CCDC157: variants seen among roughly 807,000 people sequenced by gnomAD.
CCDC157 encodes coiled-coil domain containing 157, also known as coiled-coil domain-containing protein 157.
CCDC157 carries 60 observed loss-of-function variants against 70.9 expected under a neutral mutation model. The ratio of observed to expected loss-of-function variants is 0.85; its 90% CI spans 0.69 to 1.05. The LOEUF is 1.05. Ranked by LOEUF, CCDC157 falls within the 50% of genes least tolerant of loss-of-function variation. CCDC157 has a pLI of 0.00. For missense variants in CCDC157, 943 were observed against 984.2 expected, an observed-to-expected ratio of 0.96 and a Z score of 0.56; for synonymous variants, 373 against 422.4, an observed-to-expected ratio of 0.88 and a Z score of 1.43.
In CCDC157 at chr22:30,375,889, A is replaced by G. The variant is rs570802876; in HGVS notation, c.1857+226A>G. The G allele has an allele frequency of 2.1e-5, 12 of 570,292 alleles. No homozygotes were observed. In the Admixed American group the frequency reaches 2.8e-4, roughly 13 times the overall value. 35.3% of individuals were successfully genotyped at this position (570,292 alleles called of 1,614,324 possible). A position where few individuals can be genotyped will look rare whatever the true frequency, so the allele number is the denominator to read the frequency against. ...CTATAGCTGTCATTCCTTTAAGTGC[A>G]GCAAGAAGCCTCGTCAGGCCGGGTG... On this transcript the variant is annotated intron_variant, in intron 10 of 11. Coordinates refer to ENST00000338306, the MANE Select transcript of CCDC157 (RefSeq NM_001017437.5).
chr22:30,371,445 G>T, intron 5 of CCDC157: 1 of 598,792 alleles, frequency 1.7e-6, no homozygotes, highest in Non-Finnish European at 3.0e-6. Context: ...CCAGAGAGGT[G>T]TAGACACATG....
At position 30,370,954 on chromosome 22, in the gene CCDC157, T is replaced by A; in HGVS notation, c.1045+4T>A. The A allele has an allele frequency of 2.5e-6, 4 of 1,604,172 alleles. No individual in the cohort carries two copies. The highest frequency in any genetic ancestry group is 3.4e-6 in the Non-Finnish European group (4 of 1,176,114). On this transcript the variant is annotated splice_donor_region_variant and intron_variant, in intron 5 of 11. Coordinates refer to ENST00000338306, the MANE Select transcript of CCDC157 (RefSeq NM_001017437.5). ...GACAAACAGCAGCTGCTCACAGGTCTGTGCCCCAGAGGCCAGACGCCTGGT... is the reference window on the plus strand; with the variant it reads ...GACAAACAGCAGCTGCTCACAGGTCAGTGCCCCAGAGGCCAGACGCCTGGT...
Position 30,369,740 on chromosome 22 carries a change from C to T in CCDC157, c.420+137C>T, listed in dbSNP as rs1601732698. The T allele has an allele frequency of 1.8e-5, 12 of 667,062 alleles. No homozygotes were observed. In the South Asian group the frequency reaches 3.1e-4, roughly 17 times the overall value. The allele number at this position is 667,062 out of a possible 1,614,324, so 41.3% of individuals were successfully genotyped here. A position where few individuals can be genotyped will look rare whatever the true frequency, so the allele number is the denominator to read the frequency against. On this transcript the variant is annotated intron_variant, in intron 4 of 11. Coordinates refer to ENST00000338306, the MANE Select transcript of CCDC157 (RefSeq NM_001017437.5). The stretch of plus-strand genomic sequence containing the variant: ...CACAGCCTTTACTGGCTCCCACCGC[C>T]CTCCCAATCAAGCCCCACACAGTGT...
Position 30,373,600 on chromosome 22 carries a change from C to T in CCDC157, c.1339C>T (p.Leu447=). Reference sequence around the variant, plus strand: ...CTGCTTGTCCGTTCCTGCTTAGTCTCTGCAGGCCAAGCAGCGAGCCCTGCT... The same window carrying T: ...CTGCTTGTCCGTTCCTGCTTAGTCTTTGCAGGCCAAGCAGCGAGCCCTGCT... ...VDSMVRHQES[L]QAKQRALLKQ... Residue 447 remains leucine (L), a synonymous_variant, in exon 8 of 12, where the codon CTG becomes TTG. Transcript: ENST00000338306. The T allele has an allele frequency of 6.4e-7, 1 of 1,553,934 alleles. No individual in the cohort carries two copies. The highest frequency in any genetic ancestry group is 1.2e-5 in the South Asian group (1 of 84,346).
intron 3 of CCDC157, chr22:30,368,784 C>G (rs1405453775): frequency 1.3e-5 from 2 of 152,260 alleles, no homozygotes; most frequent in Non-Finnish European, 2.9e-5. Flanking sequence ...AAACACAATA[C>G]TTCTTTAAAA....
chr22:30,362,924 T>C (rs1488762013), intron 2 of CCDC157, among the ~76,000 whole-genome samples: 2 of 152,156 alleles, frequency 1.3e-5, no homozygotes, highest in Non-Finnish European at 2.9e-5. Context: ...CAGCCAGCCC[T>C]GGACTTGCTG....
At chr22:30,371,067 G>A (rs1665221528) in intron 5 of CCDC157, 117 bp downstream of exon 5, 1 of 1,287,370 alleles carries the variant, frequency 7.8e-7, no homozygotes, top group Non-Finnish European at 1.1e-6. Context: ...ACCCAGGCTG[G>A]GACACAGGCA....
rs1933349944 is a variant in CCDC157, at chr22:30,376,239, C to CTTTTTTTTTTTGGCTT, written c.1858-9_1858-8insGGCTTTTTTTTTTTTT. On this transcript the variant is annotated intron_variant, in intron 10 of 11. Transcript: ENST00000338306. ...GACTCCTGGGCCCTTATAAGACTGG[C>CTTTTTTTTTTTGGCTT]TTTTTTTTTTTTTTTGTAGCTGATC... The CTTTTTTTTTTTGGCTT allele has an allele frequency of 8.5e-7, 1 of 1,179,570 alleles. No individual in the cohort carries two copies. The highest frequency in any genetic ancestry group is 1.2e-6 in the Non-Finnish European group (1 of 862,560). The allele number at this position is 1,179,570 out of a possible 1,614,324, so 73.1% of individuals were successfully genotyped here.
At chr22:30,365,149 C>T (rs944782568) in intron 2 of CCDC157, among the ~76,000 whole-genome samples, 1 of 152,124 alleles carries the variant, frequency 6.6e-6, no homozygotes, top group African/African-American at 2.4e-5. Context: ...ATGGAGGGTA[C>T]TCAGGGAAGC....
chr22:30,361,352 A>C (rs1199719959), intron 1 of CCDC157, among the ~76,000 whole-genome samples: 1 of 151,852 alleles, frequency 6.6e-6, no homozygotes, highest in Non-Finnish European at 1.5e-5. Flanking sequence ...TGGTGTCCCT[A>C]TGTGACATTG....
intron 3 of CCDC157, among the ~76,000 whole-genome samples, chr22:30,368,286 C>T (rs553484956): frequency 3.3e-5 from 5 of 152,346 alleles, no homozygotes; most frequent in African/African-American, 1.2e-4. Flanking sequence ...ATGCATTACA[C>T]TGTCCCTCTG....
Position 30,366,168 on chromosome 22 carries a change from G to A in CCDC157, c.168G>A (p.Leu56=). The A allele has an allele frequency of 1.2e-6, 2 of 1,613,736 alleles. No homozygotes were observed. Among genetic ancestry groups the A allele is most frequent in the Non-Finnish European group, 1.7e-6 (2 of 1,179,934 alleles). Residue 56 remains leucine (L), a synonymous_variant, in exon 3 of 12, where the codon CTG becomes CTA. Transcript: ENST00000338306. ...MACDLDMVAL[L]EHYDHVPGDP... ...GTGACCTCGACATGGTGGCCCTGCT[G>A]GAGCACTATGACCATGTTCCGGGTG... is the stretch of plus-strand genomic sequence containing the variant.
At chr22:30,358,446 T>C (rs1932096920) in intron 1 of CCDC157, among the ~76,000 whole-genome samples, 1 of 152,216 alleles carries the variant, frequency 6.6e-6, no homozygotes, top group African/African-American at 2.4e-5. Context: ...TTAGTTATTT[T>C]GCCCTCAGTC....
In CCDC157 at chr22:30,366,037, A is replaced by C. The variant is rs1932702846; in HGVS notation, c.37A>C (p.Ser13Arg). The change falls in exon 3 of 12, where the codon AGC becomes CGC. Residue 13 changes from serine to arginine, a missense_variant. Physicochemically the swap from Ser to Arg is moderately radical, Grantham distance 110. Transcript: ENST00000338306. ...GCTGGGCAGCCAGGCCTGCATGGAG[A>C]GCCTGCGCACAGACCTCACCGACCT... Reference protein sequence around the residue: ...HLLGSQACMESLRTDLTDLQG... With the variant: ...HLLGSQACMERLRTDLTDLQG... 1 of 1,603,746 alleles carries C rather than the reference A, an allele frequency of 6.2e-7. No homozygotes were observed.
intron 2 of CCDC157, among the ~76,000 whole-genome samples, chr22:30,365,608 C>T (rs536554304): frequency 4.6e-5 from 7 of 152,262 alleles, no homozygotes; most frequent in East Asian, 1.9e-4. Flanking sequence ...CTCCCCATCA[C>T]GCTGTAGCTG....
In CCDC157 at chr22:30,375,535, G is replaced by C; in HGVS notation, c.1729G>C (p.Val577Leu). The change falls in exon 10 of 12, where the codon GTC (valine) becomes CTC (leucine). Residue 577 changes from valine (V) to leucine (L), a missense_variant. Transcript: ENST00000338306. The stretch of plus-strand genomic sequence containing the variant: ...AACATGTCCCACAGACTCTGGCAAC[G>C]TCACAGATCACATGGAGAGGCAAGT... ...QITCPTDSGN[V>L]TDHMERQVQS... 6.2e-7 allele frequency: 1 copy of C among 1,614,206 alleles called. No homozygotes were observed. Among genetic ancestry groups the C allele is most frequent in the Non-Finnish European group, 8.5e-7 (1 of 1,180,034 alleles).
chr22:30,369,673 C>T (rs2145913366), intron 4 of CCDC157, 70 bp downstream of exon 4: 2 of 1,259,604 alleles, frequency 1.6e-6, no homozygotes, highest in East Asian at 2.9e-5. Context: ...GGCCTTCACA[C>T]CTCGCCCCAG....
At position 30,377,303 on chromosome 22, in the gene CCDC157, TGAA is replaced by T. The variant is rs1477329563; in HGVS notation, c.*560_*562del. The T allele has an allele frequency of 1.3e-5, 2 of 156,848 alleles. No homozygotes were observed. Among genetic ancestry groups the T allele is most frequent in the Non-Finnish European group, 2.8e-5 (2 of 70,572 alleles). The allele number at this position is 156,848 out of a possible 1,614,324, so 9.7% of individuals were successfully genotyped here. A position where few individuals can be genotyped will look rare whatever the true frequency, so the allele number is the denominator to read the frequency against. ...TGCCTTTAGGAAATGGTGACCGTCA[TGAA>T]GGTTTCTCTAAATCCTGGAGATCAT... On this transcript the variant is annotated 3_prime_UTR_variant, in exon 12 of 12. Transcript: ENST00000338306.
chr22:30,363,942 A>T (rs916940972), intron 2 of CCDC157, among the ~76,000 whole-genome samples: 1 of 152,004 alleles, frequency 6.6e-6, no homozygotes. Context: ...TCGGCCTCCC[A>T]AAGTGTTGGG....
Sources: gnomAD v4.1 joint callset for allele counts (sites outside exome capture counted in the v4.1 genomes callset) on GRCh38, gnomAD v4.1.1 for gene constraint, MANE v1.5 for transcripts, NCBI Gene and HGNC (gene_info 2026-07-23, HGNC 2026-07-21) for gene names.